HS3ST3B1: variants seen among roughly 807,000 people sequenced by gnomAD.
HS3ST3B1 encodes heparan sulfate-glucosamine 3-sulfotransferase 3B1.
HS3ST3B1 carries 13 observed loss-of-function variants against 21.3 expected under a neutral mutation model. The ratio of observed to expected loss-of-function variants is 0.61; its 90% CI spans 0.40 to 0.97. The LOEUF is 0.97. Ranked by LOEUF, HS3ST3B1 falls within the 50% of genes least tolerant of loss-of-function variation. The pLI, the probability that HS3ST3B1 is intolerant of heterozygous loss-of-function variation, is 0.00. For missense variants in HS3ST3B1, 459 were observed against 554.8 expected (o/e 0.83, Z 1.73); for synonymous variants, 234 against 254.8 (o/e 0.92, Z 0.78).
Position 14,303,497 on chromosome 17 carries a change from C to G in HS3ST3B1, c.554+1425C>G, listed in dbSNP as rs2142320704. On this transcript the variant is annotated intron_variant, in intron 1 of 1. Transcript: ENST00000360954. This position sits in a 1 kb window ranked among gnomAD's most constrained non-coding sequence, Gnocchi z 5.7. ...CGTGACAGTCATCTTTCCCACCGTT[C>G]CCGGGCTGTGACCCATTCTCGGGAC... is the stretch of plus-strand genomic sequence containing the variant. Among the ~76,000 whole-genome samples the G allele has an allele frequency of 6.6e-6, 1 of 152,288 alleles. No homozygotes were observed. The highest frequency in any genetic ancestry group is 2.1e-4 in the South Asian group (1 of 4,826).
At chr17:14,319,319 T>C (rs1235444704) in intron 1 of HS3ST3B1, among the ~76,000 whole-genome samples, 1 of 152,276 alleles carries the variant, frequency 6.6e-6, no homozygotes, top group South Asian at 2.1e-4. Flanking sequence ...TAAGAGTGTA[T>C]TGAGAGGACA....
Position 14,344,974 on chromosome 17 carries a change from G to C in HS3ST3B1, c.555-54G>C. The C allele has an allele frequency of 2.5e-6, 4 of 1,578,740 alleles. 1 individual carries two copies. The South Asian group carries it at 4.7e-5, about 19-fold the overall frequency. On this transcript the variant is annotated intron_variant, in intron 1 of 1. Coordinates refer to ENST00000360954, the MANE Select transcript of HS3ST3B1 (RefSeq NM_006041.3). Reference sequence around the variant, plus strand: ...ATTAGAAGTCGTGACCTTAAGACGTGTGGCCAGAGAGGCGTCACCTTCTGA... The same window carrying C: ...ATTAGAAGTCGTGACCTTAAGACGTCTGGCCAGAGAGGCGTCACCTTCTGA...
chr17:14,340,068 T>G (rs1430268332), intron 1 of HS3ST3B1, among the ~76,000 whole-genome samples: 1 of 152,100 alleles, frequency 6.6e-6, no homozygotes, highest in East Asian at 1.9e-4. Context: ...GCCTGGATGA[T>G]TCTGTGCCAG....
At chr17:14,324,306 C>G (rs1909743271) in intron 1 of HS3ST3B1, among the ~76,000 whole-genome samples, 1 of 152,190 alleles carries the variant, frequency 6.6e-6, no homozygotes, top group South Asian at 2.1e-4. Context: ...AGTGTCATGC[C>G]CTCCATCAAC....
chr17:14,311,795 A>C (rs1909313290), intron 1 of HS3ST3B1, among the ~76,000 whole-genome samples: 1 of 152,026 alleles, frequency 6.6e-6, no homozygotes, highest in Non-Finnish European at 1.5e-5. Flanking sequence ...GCATACCTGT[A>C]ATCCCAGGTA....
chr17:14,325,954 C>T (rs1293868302), intron 1 of HS3ST3B1, among the ~76,000 whole-genome samples: 1 of 152,104 alleles, frequency 6.6e-6, no homozygotes, highest in East Asian at 1.9e-4. Context: ...TAAGCCAGTC[C>T]TCACCCCCTT....
rs576620077 is a variant in HS3ST3B1 at position 14,345,343 on chromosome 17, C to A, written c.870C>A (p.Arg290=). The A allele has an allele frequency of 1.8e-5, 20 of 1,090,804 alleles. No homozygotes were observed. In the East Asian group the frequency reaches 4.9e-4, roughly 27 times the overall value. 67.6% of individuals were successfully genotyped at this position (1,090,804 alleles called of 1,614,324 possible). A position where few individuals can be genotyped will look rare whatever the true frequency, so the allele number is the denominator to read the frequency against. ...ACTGGCTGCGCCACTTCCCCATCCGCCAGATGCTCTTCGTGAGCGGCGAGC... is the reference window on the plus strand; with the variant it reads ...ACTGGCTGCGCCACTTCCCCATCCGACAGATGCTCTTCGTGAGCGGCGAGC... ...LEHWLRHFPI[R]QMLFVSGERL... is the part of the protein sequence containing the mutation. The change falls in exon 2 of 2, where the codon CGC becomes CGA. Residue 290 remains arginine (R), a synonymous_variant. Transcript: ENST00000360954.
intron 1 of HS3ST3B1, among the ~76,000 whole-genome samples, chr17:14,309,300 C>A (rs1453533499): frequency 6.6e-6 from 1 of 152,198 alleles, no homozygotes; most frequent in African/African-American, 2.4e-5. Context: ...CTTCCCAGTG[C>A]GGGGGCAGGG....
chr17:14,327,190 T>C (rs1909846970), intron 1 of HS3ST3B1: 1 of 152,492 alleles, frequency 6.6e-6, no homozygotes, highest in African/African-American at 2.4e-5. Flanking sequence ...TTCCTCTTGC[T>C]GCTACCTAGG....
chr17:14,301,820 G>A lies in HS3ST3B1; in HGVS notation c.302G>A (p.Gly101Asp), dbSNP rs761002176. 7.0e-6 allele frequency: 11 copies of A among 1,564,462 alleles called. No individual in the cohort carries two copies. In the African/African-American group the frequency reaches 1.5e-4, roughly 21 times the overall value. Residue 101 changes from glycine to aspartate, a missense_variant, in exon 1 of 2, where the codon GGC becomes GAC. Coordinates refer to ENST00000360954, the MANE Select transcript of HS3ST3B1 (RefSeq NM_006041.3). Reference protein sequence around the residue: ...RAPPATPLASGKEMAEGAASP... With the variant: ...RAPPATPLASDKEMAEGAASP... Reference sequence around the variant, plus strand: ...CCGCCAGCCACCCCACTGGCTTCAGGCAAGGAGATGGCCGAGGGCGCTGCG... The same window carrying A: ...CCGCCAGCCACCCCACTGGCTTCAGACAAGGAGATGGCCGAGGGCGCTGCG...
rs1472488454 is a variant in HS3ST3B1 at position 14,349,031 on chromosome 17, A to G, written c.*3385A>G. 2 of 152,224 alleles carry G rather than the reference A, an allele frequency of 1.3e-5. No individual in the cohort carries two copies. Among genetic ancestry groups the G allele is most frequent in the Non-Finnish European group, 2.9e-5 (2 of 68,038 alleles). 9.4% of individuals were successfully genotyped at this position (152,224 alleles called of 1,614,324 possible). A position where few individuals can be genotyped will look rare whatever the true frequency, so the allele number is the denominator to read the frequency against. On this transcript the variant is annotated 3_prime_UTR_variant, in exon 2 of 2. Transcript: ENST00000360954. ...CAGGATATTTTTGTAAAAAAGGAAAATGGAAGATTCCAATAAACTAGAAAC... is the reference window on the plus strand; with the variant it reads ...CAGGATATTTTTGTAAAAAAGGAAAGTGGAAGATTCCAATAAACTAGAAAC...
Position 14,348,223 on chromosome 17 carries a change from G to T in HS3ST3B1, c.*2577G>T, listed in dbSNP as rs973625430. ...AAGCTGGACAATTTTTTATTAAGTT[G>T]TTTATTCCCTGCCTTAAAACTGAAA... On this transcript the variant is annotated 3_prime_UTR_variant, in exon 2 of 2. Coordinates refer to ENST00000360954, the MANE Select transcript of HS3ST3B1 (RefSeq NM_006041.3). 1 of 152,102 alleles carries T rather than the reference G, an allele frequency of 6.6e-6. No individual in the cohort carries two copies. The highest frequency in any genetic ancestry group is 2.4e-5 in the African/African-American group (1 of 41,410). The allele number at this position is 152,102 out of a possible 1,614,324, so 9.4% of individuals were successfully genotyped here.
chr17:14,324,994 G>C (rs1040012237), intron 1 of HS3ST3B1, among the ~76,000 whole-genome samples: 2 of 152,176 alleles, frequency 1.3e-5, no homozygotes, highest in Non-Finnish European at 2.9e-5. Context: ...GGAATATAAG[G>C]TGGACCCAGG....
At chr17:14,329,659 C>T (rs1347822002) in intron 1 of HS3ST3B1, among the ~76,000 whole-genome samples, 1 of 152,136 alleles carries the variant, frequency 6.6e-6, no homozygotes, top group Middle Eastern at 3.2e-3. Flanking sequence ...GATGTCAACC[C>T]CAGAAGGAGA....
At chr17:14,331,839 G>A (rs1910023684) in intron 1 of HS3ST3B1, among the ~76,000 whole-genome samples, 1 of 152,100 alleles carries the variant, frequency 6.6e-6, no homozygotes, top group Non-Finnish European at 1.5e-5. Flanking sequence ...GGCCTTTGAA[G>A]GGAGTTCTCA....
intron 1 of HS3ST3B1, among the ~76,000 whole-genome samples, chr17:14,339,344 A>T (rs952523432): frequency 1.7e-4 from 26 of 152,206 alleles, no homozygotes; most frequent in African/African-American, 5.8e-4. Context: ...TGATCTGATT[A>T]ACACTGAAAT....
chr17:14,325,081 C>A (rs1338405263), intron 1 of HS3ST3B1, among the ~76,000 whole-genome samples: 1 of 152,130 alleles, frequency 6.6e-6, no homozygotes, highest in Non-Finnish European at 1.5e-5. Flanking sequence ...AAAAAGAAAA[C>A]CTTAATTACA....
intron 1 of HS3ST3B1, among the ~76,000 whole-genome samples, chr17:14,323,724 C>T (rs1909724557): frequency 6.6e-6 from 1 of 152,114 alleles, no homozygotes; most frequent in Admixed American, 6.5e-5. Context: ...CCTGATAGTC[C>T]TGACTGTCTC....
Position 14,345,003 on chromosome 17 carries a change from C to T in HS3ST3B1, c.555-25C>T. On this transcript the variant is annotated intron_variant, in intron 1 of 1. Transcript: ENST00000360954. ...CCAGAGAGGCGTCACCTTCTGATCC[C>T]GGTTTGTTTGCTTGCGTTTCTCAGG... is the stretch of plus-strand genomic sequence containing the variant. 3.1e-6 allele frequency: 5 copies of T among 1,602,780 alleles called. No individual in the cohort carries two copies. In the African/African-American group the frequency reaches 4.0e-5, roughly 13 times the overall value.
Sources: gnomAD v4.1 joint callset for allele counts (sites outside exome capture counted in the v4.1 genomes callset) on GRCh38, gnomAD v4.1.1 for gene constraint, Gnocchi (gnomAD v3.1) non-coding constraint, MANE v1.5 for transcripts, NCBI Gene and HGNC (gene_info 2026-07-23, HGNC 2026-07-21) for gene names.